Variants in FBXL17 observed in about 807,000 individuals in gnomAD.
FBXL17 encodes the protein F-box and leucine rich repeat protein 17, also known as F-box/LRR-repeat protein 17.
In FBXL17, 22 loss-of-function variants were observed where a neutral mutation model predicts 66.2. The ratio of observed to expected loss-of-function variants is 0.33; its 90% CI spans 0.24 to 0.47. The LOEUF (loss-of-function observed/expected upper bound fraction) is 0.47, where lower values mean the gene tolerates loss of function less well. Among genes scored for constraint, FBXL17 ranks in the 20% least tolerant of loss-of-function variants. FBXL17 has a pLI of 1.00. For synonymous variants in FBXL17, 474 were observed against 400.5 expected (o/e 1.18, Z -2.19); for missense variants, 878 against 948.2 (o/e 0.93, Z 0.97).
chr5:108,247,068 A>G (rs186183486), intron 4 of FBXL17, among the ~76,000 whole-genome samples: 1 of 152,338 alleles, frequency 6.6e-6, no homozygotes, highest in East Asian at 1.9e-4. Context: ...CACTTTCAAA[A>G]AAATAAAGGC....
chr5:107,860,514 T>A lies in FBXL17; in HGVS notation c.*1206A>T, dbSNP rs1028581514. 1 of 152,658 alleles carries A rather than the reference T, an allele frequency of 6.6e-6. No homozygotes were observed. The highest frequency in any genetic ancestry group is 6.5e-5 in the Admixed American group (1 of 15,290). 9.5% of individuals were successfully genotyped at this position (152,658 alleles called of 1,614,324 possible). On this transcript the variant is annotated 3_prime_UTR_variant, in exon 9 of 9. Coordinates refer to ENST00000542267, the MANE Select transcript of FBXL17 (RefSeq NM_001163315.3). ...GTCTTGTCTTAACTGAAGCTGGCAATCCTTAATTAAACAAAGAAATGCTTA... is the reference window on the plus strand; with the variant it reads ...GTCTTGTCTTAACTGAAGCTGGCAAACCTTAATTAAACAAAGAAATGCTTA...
At chr5:108,008,258 A>G (rs1163012846) in intron 7 of FBXL17, among the ~76,000 whole-genome samples, 3 of 152,188 alleles carry the variant, frequency 2.0e-5, no homozygotes, top group South Asian at 2.1e-4. Flanking sequence ...TGAAAAGAAG[A>G]TATCACTTAA....
chr5:108,017,529 T>C (rs562278023), intron 7 of FBXL17, among the ~76,000 whole-genome samples: 1 of 152,302 alleles, frequency 6.6e-6, no homozygotes, highest in East Asian at 1.9e-4. Flanking sequence ...TTTATATTGA[T>C]TTTCACTAAC....
chr5:108,117,084 C>G (rs772788014), intron 6 of FBXL17, among the ~76,000 whole-genome samples: 4 of 152,146 alleles, frequency 2.6e-5, no homozygotes, highest in Non-Finnish European at 5.9e-5. Flanking sequence ...GAGCGATTCA[C>G]TAGTAGTAAT....
chr5:107,861,798 G>A lies in FBXL17; in HGVS notation c.2028C>T (p.Val676=), dbSNP rs773495429. The part of the protein sequence containing the change: ...QQYPHITFST[V]LQDCKRTLER... ...CCAAGGTCCTCTTGCAGTCCTGCAG[G>A]ACGGTGCTGAAGGTGATGTGGGGGT... Residue 676 remains valine, a synonymous_variant, in exon 9 of 9, where the codon GTC becomes GTT. Transcript: ENST00000542267. 3.8e-6 allele frequency: 6 copies of A among 1,585,666 alleles called. No homozygotes were observed. Among genetic ancestry groups the A allele is most frequent in the Non-Finnish European group, 4.3e-6 (5 of 1,163,600 alleles).
Position 107,974,316 on chromosome 5 carries a change from T to C in FBXL17, c.1822+46609A>G, listed in dbSNP as rs540200907. ...GGAAAACACTAGTAAAAAATAACTT[T>C]ATTGTGAAATGCATTCTTCTAAAAA... On this transcript the variant is annotated intron_variant, in intron 7 of 8. Transcript: ENST00000542267. Among the ~76,000 whole-genome samples the C allele has an allele frequency of 3.9e-5, 6 of 152,282 alleles. No individual in the cohort carries two copies. The South Asian group carries it at 1.2e-3, about 32-fold the overall frequency.
At chr5:107,962,141 T>C (rs1751938688) in intron 7 of FBXL17, among the ~76,000 whole-genome samples, 1 of 152,094 alleles carries the variant, frequency 6.6e-6, no homozygotes, top group South Asian at 2.1e-4. Context: ...ATGAAAAAGG[T>C]CTGGAGATAG....
chr5:108,287,333 T>C (rs1224223486), intron 4 of FBXL17, among the ~76,000 whole-genome samples: 2 of 151,998 alleles, frequency 1.3e-5, no homozygotes, highest in Non-Finnish European at 2.9e-5. Context: ...ACAGACAGTC[T>C]ACAAAATGAG....
In FBXL17 at chr5:108,111,024, A is replaced by G. The variant is rs549440715; in HGVS notation, c.1745+75093T>C. Among the ~76,000 whole-genome samples, 3 of 152,308 alleles carry G rather than the reference A, an allele frequency of 2.0e-5. No individual in the cohort carries two copies. The East Asian group carries it at 5.8e-4, about 29-fold the overall frequency. On this transcript the variant is annotated intron_variant, in intron 6 of 8. Transcript: ENST00000542267. ...GGACAATGGCAACAAGAAATCTTCAACAAGTGCTGGCCTGACCCCTTTCCT... is the reference window on the plus strand; with the variant it reads ...GGACAATGGCAACAAGAAATCTTCAGCAAGTGCTGGCCTGACCCCTTTCCT...
intron 6 of FBXL17, among the ~76,000 whole-genome samples, chr5:108,122,425 C>A (rs1750539691): frequency 6.6e-6 from 1 of 152,098 alleles, no homozygotes; most frequent in African/African-American, 2.4e-5. Context: ...GAAAATATCA[C>A]AAATTAAGTA....
intron 4 of FBXL17, among the ~76,000 whole-genome samples, chr5:108,274,958 A>T (rs72791260): frequency 0.033 from 4,999 of 152,340 alleles, 122 homozygotes; most frequent in Non-Finnish European, 0.048. Context: ...ACTGGAGAGC[A>T]GAGAGGTTAA....
chr5:108,211,158 T>C (rs1436948727), intron 5 of FBXL17, among the ~76,000 whole-genome samples: 1 of 152,078 alleles, frequency 6.6e-6, no homozygotes, highest in Non-Finnish European at 1.5e-5. Context: ...TTTGTTTTGG[T>C]TTTCCATTTG....
intron 4 of FBXL17, among the ~76,000 whole-genome samples, chr5:108,347,041 C>A (rs549929871): frequency 6.6e-6 from 1 of 152,276 alleles, no homozygotes; most frequent in East Asian, 1.9e-4. Flanking sequence ...ACTACCCTGA[C>A]AACATTTTCA....
At chr5:107,976,008 G>A (rs1309562244) in intron 7 of FBXL17, among the ~76,000 whole-genome samples, 3 of 151,842 alleles carry the variant, frequency 2.0e-5, no homozygotes, top group Non-Finnish European at 2.9e-5. Flanking sequence ...ACAGGCAAGC[G>A]CCACCATGCC....
At chr5:108,186,559 AAGG>A (rs1753241742) in intron 5 of FBXL17, among the ~76,000 whole-genome samples, 1 of 151,906 alleles carries the variant, frequency 6.6e-6, no homozygotes, top group African/African-American at 2.4e-5. Context: ...ATCACGAGGT[AAGG>A]AGATCAAGAC....
chr5:108,120,255 C>T (rs1036155476), intron 6 of FBXL17, among the ~76,000 whole-genome samples: 4 of 152,024 alleles, frequency 2.6e-5, no homozygotes, highest in African/African-American at 9.7e-5. Context: ...CACTTATTAT[C>T]CAAATTTAAT....
chr5:108,223,570 C>T (rs1208022451), intron 5 of FBXL17, among the ~76,000 whole-genome samples: 4 of 152,066 alleles, frequency 2.6e-5, no homozygotes, highest in Non-Finnish European at 5.9e-5. Context: ...GTAGAGATGA[C>T]ACATCGCAGT....
chr5:108,191,940 C>T (rs1296023432), intron 5 of FBXL17, among the ~76,000 whole-genome samples: 2 of 152,160 alleles, frequency 1.3e-5, no homozygotes. Context: ...ATTCACATGG[C>T]CTTCCCTATA....
intron 6 of FBXL17, among the ~76,000 whole-genome samples, chr5:108,112,919 TG>T (rs1750094585): frequency 6.8e-6 from 1 of 147,224 alleles, no homozygotes; most frequent in Non-Finnish European, 1.5e-5. Context: ...GTAGACATTA[TG>T]TCACATCTCA....
Sources: gnomAD v4.1 joint callset for allele counts (sites outside exome capture counted in the v4.1 genomes callset) on GRCh38, gnomAD v4.1.1 for gene constraint, MANE v1.5 for transcripts, NCBI Gene and HGNC (gene_info 2026-07-23, HGNC 2026-07-21) for gene names.